LUZP2: variants seen among roughly 807,000 people sequenced by gnomAD.
LUZP2 encodes leucine zipper protein 2.
In LUZP2, 52 loss-of-function variants were observed where a neutral mutation model predicts 51.6. That is an observed-to-expected ratio of 1.01 (90% confidence interval 0.81 to 1.27). The LOEUF (loss-of-function observed/expected upper bound fraction) is 1.27, where lower values mean the gene tolerates loss of function less well. Among genes scored for constraint, LUZP2 ranks in the 50% most tolerant of loss-of-function variants. The probability of loss-of-function intolerance (pLI) is 0.00; values close to 1 mark genes in which losing one functional copy is unlikely to be tolerated. For missense variants in LUZP2, 436 were observed against 395.4 expected (o/e 1.10, Z -0.87); for synonymous variants, 154 against 137.3 (o/e 1.12, Z -0.85).
In LUZP2 at chr11:24,914,553, T is replaced by C; in HGVS notation, c.522+15T>C. 1 of 1,570,314 alleles carries C rather than the reference T, an allele frequency of 6.4e-7. No individual in the cohort carries two copies. Among genetic ancestry groups the C allele is most frequent in the Non-Finnish European group, 8.7e-7 (1 of 1,153,702 alleles). ...TATTATTTAAGGTGAGTCTCTTTTC[T>C]CTCTTTTCCCTGAAACTTGCTAGCT... On this transcript the variant is annotated intron_variant, in intron 7 of 11. Transcript: ENST00000336930.
At chr11:25,025,844 G>A (rs977911185) in intron 9 of LUZP2, among the ~76,000 whole-genome samples, 7 of 152,062 alleles carry the variant, frequency 4.6e-5, no homozygotes, top group African/African-American at 7.2e-5. Flanking sequence ...ACATGCACAC[G>A]TATGTTTATT....
At chr11:24,664,730 C>A (rs1169507402) in intron 1 of LUZP2, among the ~76,000 whole-genome samples, 2 of 152,160 alleles carry the variant, frequency 1.3e-5, no homozygotes, top group Non-Finnish European at 2.9e-5. Flanking sequence ...TAAGCCTTGG[C>A]ACTTATATGT....
intron 10 of LUZP2, among the ~76,000 whole-genome samples, chr11:25,076,132 C>T (rs1859289970): frequency 6.6e-6 from 1 of 152,186 alleles, no homozygotes; most frequent in South Asian, 2.1e-4. Context: ...GATCTTCCCA[C>T]TTCAGCCTCC....
chr11:24,984,009 A>G (rs1194951115), intron 9 of LUZP2, among the ~76,000 whole-genome samples: 1 of 151,738 alleles, frequency 6.6e-6, no homozygotes, highest in Admixed American at 6.6e-5. Flanking sequence ...TTCAATTTGT[A>G]GGCCCTACAT....
chr11:24,626,783 C>A (rs1475812386), intron 1 of LUZP2, among the ~76,000 whole-genome samples: 1 of 152,012 alleles, frequency 6.6e-6, no homozygotes, highest in East Asian at 1.9e-4. Context: ...TGAACCTGAT[C>A]AACATTAAAC....
At chr11:24,702,690 TC>T (rs1470489167) in intron 1 of LUZP2, among the ~76,000 whole-genome samples, 1 of 152,118 alleles carries the variant, frequency 6.6e-6, no homozygotes, top group African/African-American at 2.4e-5. Flanking sequence ...ATGCCCCACC[TC>T]CAACATGGGG....
chr11:24,827,751 T>A (rs532739356), intron 5 of LUZP2, among the ~76,000 whole-genome samples: 10 of 152,094 alleles, frequency 6.6e-5, no homozygotes, highest in Non-Finnish European at 1.5e-4. Context: ...GGGCTCTGCA[T>A]TTATAAAAAC....
intron 9 of LUZP2, among the ~76,000 whole-genome samples, chr11:24,991,591 G>A (rs2133927257): frequency 6.6e-6 from 1 of 151,846 alleles, no homozygotes; most frequent in Non-Finnish European, 1.5e-5. Flanking sequence ...AGCCAGTAAT[G>A]GAATTGCTGG....
rs112154532 is a variant in LUZP2 at position 24,683,908 on chromosome 11, T to C, written c.63-45261T>C. ...ACAGAACCCACCATCCCTTTATTGTTACCTCCAATAAGTATGTAAGATCCC... is the reference window on the plus strand; with the variant it reads ...ACAGAACCCACCATCCCTTTATTGTCACCTCCAATAAGTATGTAAGATCCC... On this transcript the variant is annotated intron_variant, in intron 1 of 11. Coordinates refer to ENST00000336930, the MANE Select transcript of LUZP2 (RefSeq NM_001009909.4). Among the ~76,000 whole-genome samples, 22 of 151,932 alleles carry C rather than the reference T, an allele frequency of 1.4e-4. 1 individual carries two copies. Among genetic ancestry groups the C allele is most frequent in the African/African-American group, 4.8e-4 (20 of 41,422 alleles).
chr11:24,769,905 G>T (rs117992285), intron 5 of LUZP2, among the ~76,000 whole-genome samples: 8 of 152,054 alleles, frequency 5.3e-5, no homozygotes, highest in Non-Finnish European at 1.2e-4. Context: ...CAATTCTCTT[G>T]CCCCAGCCTC....
chr11:24,992,078 C>T (rs1274966710), intron 9 of LUZP2, among the ~76,000 whole-genome samples: 1 of 151,838 alleles, frequency 6.6e-6, no homozygotes, highest in Admixed American at 6.6e-5. Context: ...TATTGTGGTT[C>T]AGCATTTTTA....
Position 24,733,520 on chromosome 11 carries a change from C to A in LUZP2, c.251+1332C>A, listed in dbSNP as rs77174518. ...TATGTTAAGGTAAATAAGCCAGGCA[C>A]AGAAAGACAAATACCACCTAATCTC... On this transcript the variant is annotated intron_variant, in intron 3 of 11. Coordinates refer to ENST00000336930, the MANE Select transcript of LUZP2 (RefSeq NM_001009909.4). Among the ~76,000 whole-genome samples, 375 of 151,624 alleles carry A rather than the reference C, an allele frequency of 2.5e-3. 2 individuals carry two copies. The highest frequency in any genetic ancestry group is 8.4e-3 in the African/African-American group (350 of 41,428).
intron 10 of LUZP2, among the ~76,000 whole-genome samples, chr11:25,055,746 A>G (rs1858669801): frequency 1.3e-5 from 2 of 152,190 alleles, no homozygotes; most frequent in South Asian, 2.1e-4. Context: ...AATGCTTGAG[A>G]TAGAAGGCTG....
intron 1 of LUZP2, among the ~76,000 whole-genome samples, chr11:24,634,468 G>T (rs1185385246): frequency 6.6e-6 from 1 of 151,944 alleles, no homozygotes; most frequent in African/African-American, 2.4e-5. Flanking sequence ...GCCAAGATAT[G>T]CCAGCTATCG....
chr11:25,073,731 T>C (rs567840803), intron 10 of LUZP2, among the ~76,000 whole-genome samples: 1 of 152,250 alleles, frequency 6.6e-6, no homozygotes, highest in Non-Finnish European at 1.5e-5. Context: ...CTATGTTTGG[T>C]AATTGCATCA....
At chr11:24,602,150 GTATATA>G (rs1491318668) in intron 1 of LUZP2, among the ~76,000 whole-genome samples, 1 of 124,016 alleles carries the variant, frequency 8.1e-6, no homozygotes, top group African/African-American at 3.2e-5. Flanking sequence ...ATGTATATAT[GTATATA>G]TGTATATATG....
chr11:24,919,721 A>G (rs1036752930), intron 7 of LUZP2, among the ~76,000 whole-genome samples: 9 of 150,098 alleles, frequency 6.0e-5, no homozygotes, highest in Non-Finnish European at 1.3e-4. Context: ...TCTTATTTTT[A>G]ACTTGAGTTA....
At chr11:24,843,222 T>A (rs1167132024) in intron 5 of LUZP2, among the ~76,000 whole-genome samples, 1 of 152,100 alleles carries the variant, frequency 6.6e-6, no homozygotes, top group Non-Finnish European at 1.5e-5. Flanking sequence ...ACAGAGTTAT[T>A]AGTTAGAATG....
chr11:24,892,083 A>G, intron 5 of LUZP2: 5 of 985,614 alleles, frequency 5.1e-6, no homozygotes, highest in Non-Finnish European at 6.0e-6. Context: ...GCCAGGGCTC[A>G]TGGTCACTCG....
Sources: allele counts gnomAD v4.1 joint callset (sites outside exome capture counted in the v4.1 genomes callset), GRCh38; gene constraint gnomAD v4.1.1; transcripts MANE v1.5; gene names NCBI Gene and HGNC (gene_info 2026-07-23, HGNC 2026-07-21).